ELAPOR2: variants seen among roughly 807,000 people sequenced by gnomAD.
ELAPOR2 encodes the protein endosome/lysosome-associated apoptosis and autophagy regulator family member 2.
ELAPOR2 carries 89 observed loss-of-function variants against 120.7 expected under a neutral mutation model. The ratio of observed to expected loss-of-function variants is 0.74; its 90% CI spans 0.62 to 0.88. The LOEUF (loss-of-function observed/expected upper bound fraction) is 0.88. Among genes scored for constraint, ELAPOR2 ranks in the 40% least tolerant of loss-of-function variants. The pLI is 0.00. For synonymous variants in ELAPOR2, 444 were observed against 444.9 expected (o/e 1.00, Z 0.03); for missense variants, 1,134 against 1,251.6 (o/e 0.91, Z 1.42).
chr7:86,901,138 A>T (rs1788706769), intron 18 of ELAPOR2, among the ~76,000 whole-genome samples: 1 of 152,220 alleles, frequency 6.6e-6, no homozygotes, highest in Non-Finnish European at 1.5e-5. Flanking sequence ...AGGATTCTAC[A>T]GGATTACTGG....
chr7:87,046,257 T>C (rs1185591458), intron 1 of ELAPOR2, among the ~76,000 whole-genome samples: 2 of 151,820 alleles, frequency 1.3e-5, no homozygotes, highest in Non-Finnish European at 2.9e-5. Context: ...AAGTGAAAAA[T>C]CTCTATAATG....
At chr7:87,046,640 G>A (rs1270716585) in intron 1 of ELAPOR2, among the ~76,000 whole-genome samples, 1 of 152,112 alleles carries the variant, frequency 6.6e-6, no homozygotes, top group Non-Finnish European at 1.5e-5. Context: ...CCATTCTCGT[G>A]ATAGTGAGTG....
intron 4 of ELAPOR2, 79 bp downstream of exon 4, chr7:86,944,820 T>G: frequency 8.3e-7 from 1 of 1,204,326 alleles, no homozygotes. Flanking sequence ...AGGAATAAAG[T>G]GGAATGGGAA....
At position 86,889,072 on chromosome 7, in the gene ELAPOR2, G is replaced by C. The variant is rs187029164; in HGVS notation, c.3030+2652C>G. 2.4e-4 allele frequency among the ~76,000 whole-genome samples: 37 copies of C among 152,140 alleles called. 1 individual carries two copies. In the East Asian group the frequency reaches 6.4e-3, roughly 26 times the overall value. On this transcript the variant is annotated intron_variant, in intron 21 of 21. Transcript: ENST00000450689. ...ACTGTTATGGATGTTAGAAAAGGTG[G>C]TATAAAATTTGCCTTTGACCTTAGC...
chr7:86,908,574 C>T (rs754762231), intron 16 of ELAPOR2, 31 bp from the exon 17 acceptor site: 1 of 1,016,714 alleles, frequency 9.8e-7, no homozygotes, highest in Non-Finnish European at 1.5e-6. Context: ...AACTATTAAG[C>T]AATATGGAAA....
chr7:86,900,769 C>T (rs1008699262), intron 18 of ELAPOR2, among the ~76,000 whole-genome samples: 2 of 152,020 alleles, frequency 1.3e-5, no homozygotes, highest in African/African-American at 4.8e-5. Context: ...TCAGTCCTTC[C>T]GTGTGAAACA....
rs149708181 is a variant in ELAPOR2, at chr7:87,053,802, C to T, written c.189+5523G>A. On this transcript the variant is annotated intron_variant, in intron 1 of 21. Coordinates refer to ENST00000450689, the MANE Select transcript of ELAPOR2 (RefSeq NM_001142749.3). Reference sequence around the variant, plus strand: ...GTGAGAGATGTTCTCTCACCATCACCCACAACCTGCATCCAGCTAACTCCT... The same window carrying T: ...GTGAGAGATGTTCTCTCACCATCACTCACAACCTGCATCCAGCTAACTCCT... 1.6e-3 allele frequency among the ~76,000 whole-genome samples: 244 copies of T among 152,252 alleles called. 2 individuals carry two copies. The highest frequency in any genetic ancestry group is 5.5e-3 in the African/African-American group (229 of 41,554).
At chr7:87,038,498 A>G (rs959109988) in intron 1 of ELAPOR2, among the ~76,000 whole-genome samples, 1 of 152,198 alleles carries the variant, frequency 6.6e-6, no homozygotes, top group Admixed American at 6.5e-5. Flanking sequence ...CACGAAAAAT[A>G]TTGACCTTCA....
chr7:86,969,940 G>A (rs1280302784), intron 1 of ELAPOR2, among the ~76,000 whole-genome samples: 1 of 152,198 alleles, frequency 6.6e-6, no homozygotes, highest in African/African-American at 2.4e-5. Flanking sequence ...GCACTTACCA[G>A]TTCCTTTGAA....
At chr7:86,923,757 T>C (rs1789933557) in intron 10 of ELAPOR2, among the ~76,000 whole-genome samples, 1 of 152,096 alleles carries the variant, frequency 6.6e-6, no homozygotes, top group Non-Finnish European at 1.5e-5. Context: ...TTTGTAAACA[T>C]TATCCTATTT....
At chr7:86,966,956 C>A (rs1447733539) in intron 1 of ELAPOR2, among the ~76,000 whole-genome samples, 1 of 152,112 alleles carries the variant, frequency 6.6e-6, no homozygotes, top group East Asian at 1.9e-4. Flanking sequence ...TCTCAAGATT[C>A]TCACTTTAAA....
intron 2 of ELAPOR2, among the ~76,000 whole-genome samples, chr7:86,950,022 C>T (rs1791179175): frequency 6.6e-6 from 1 of 152,194 alleles, no homozygotes; most frequent in African/African-American, 2.4e-5. Context: ...CCAGACTGCC[C>T]ATGGCCGCCC....
intron 18 of ELAPOR2, among the ~76,000 whole-genome samples, chr7:86,898,175 G>A (rs1259777897): frequency 6.6e-6 from 1 of 152,148 alleles, no homozygotes. Flanking sequence ...AAGAAATGCA[G>A]TAAGGCATAC....
chr7:86,913,098 TG>T lies in ELAPOR2; in HGVS notation c.1837del (p.Gln613SerfsTer86). The part of the protein sequence containing the change: ...SCRACALGSE[Q>X]SGSSCVPCPP... ...GCAGGGGACACACGATGAACCCGACTGTTCAGAACCGAGGGCACAGGCACGG... is the reference window on the plus strand; with the variant it reads ...GCAGGGGACACACGATGAACCCGACTTTCAGAACCGAGGGCACAGGCACGG... On this transcript the variant is annotated frameshift_variant, in exon 14 of 22. Transcript: ENST00000450689. LOFTEE classifies it high-confidence loss of function. The T allele has an allele frequency of 6.2e-7, 1 of 1,614,108 alleles. No individual in the cohort carries two copies. The highest frequency in any genetic ancestry group is 1.3e-5 in the African/African-American group (1 of 75,042).
intron 8 of ELAPOR2, among the ~76,000 whole-genome samples, chr7:86,928,203 T>C (rs530811053): frequency 2.0e-5 from 3 of 152,090 alleles, no homozygotes; most frequent in Non-Finnish European, 4.4e-5. Context: ...CACCTGCCTT[T>C]CTTACCATCT....
intron 1 of ELAPOR2, among the ~76,000 whole-genome samples, chr7:86,985,733 T>C (rs1029788263): frequency 2.6e-5 from 4 of 152,112 alleles, no homozygotes; most frequent in Non-Finnish European, 5.9e-5. Context: ...TTGTTACATA[T>C]GCATACATGT....
intron 20 of ELAPOR2, among the ~76,000 whole-genome samples, chr7:86,892,156 T>A (rs1486773270): frequency 6.6e-6 from 1 of 151,940 alleles, no homozygotes; most frequent in Non-Finnish European, 1.5e-5. Context: ...AATGAAAAAA[T>A]TGGGGGGCAG....
At chr7:86,888,893 A>G (rs1799817837) in intron 21 of ELAPOR2, among the ~76,000 whole-genome samples, 1 of 152,134 alleles carries the variant, frequency 6.6e-6, no homozygotes, top group South Asian at 2.1e-4. Context: ...ACAACTGTGA[A>G]TAACACTTTC....
chr7:86,950,077 C>T (rs1442249275), intron 2 of ELAPOR2, among the ~76,000 whole-genome samples: 2 of 152,178 alleles, frequency 1.3e-5, no homozygotes, highest in Non-Finnish European at 2.9e-5. Context: ...TGGCTGAGGC[C>T]CAGGCCCATA....
Sources: allele counts gnomAD v4.1 joint callset (sites outside exome capture counted in the v4.1 genomes callset), GRCh38; gene constraint gnomAD v4.1.1; transcripts MANE v1.5; gene names NCBI Gene and HGNC (gene_info 2026-07-23, HGNC 2026-07-21).